Variants in PROK1 observed in about 807,000 individuals in gnomAD.
PROK1 encodes prokineticin-1.
PROK1 carries 10 observed loss-of-function variants against 8.8 expected under a neutral mutation model. That is an observed-to-expected ratio of 1.13 (90% confidence interval 0.70 to 1.92). The LOEUF (loss-of-function observed/expected upper bound fraction) is 1.92. Among genes scored for constraint, PROK1 ranks in the 30% most tolerant of loss-of-function variants. PROK1 has a pLI of 0.00. For synonymous variants in PROK1, 57 were observed against 56.0 expected, an observed-to-expected ratio of 1.02 and a Z score of -0.08; for missense variants, 140 against 139.7, an observed-to-expected ratio of 1.00 and a Z score of -0.01.
intron 1 of PROK1, 119 bp from the exon 2 acceptor site, chr1:110,453,842 G>T: frequency 1.5e-6 from 2 of 1,365,512 alleles, no homozygotes; most frequent in South Asian, 1.2e-5. Context: ...CTAAGGCCGG[G>T]GGTGATACTC....
At chr1:110,454,605 C>T (rs777738243) in intron 2 of PROK1, among the ~76,000 whole-genome samples, 9 of 152,188 alleles carry the variant, frequency 5.9e-5, no homozygotes, top group Admixed American at 1.3e-4. Context: ...TTGGGCACTG[C>T]CTCCTTGTTT....
At chr1:110,455,373 C>A (rs139576490) in intron 2 of PROK1, among the ~76,000 whole-genome samples, 1 of 152,202 alleles carries the variant, frequency 6.6e-6, no homozygotes, top group Non-Finnish European at 1.5e-5. Context: ...TCTCTAGGCA[C>A]GGAGCGTCCT....
chr1:110,456,255 GCAC>G lies in PROK1; in HGVS notation c.226_228del (p.His76del). The G allele has an allele frequency of 6.2e-7, 1 of 1,613,702 alleles. No homozygotes were observed. The highest frequency in any genetic ancestry group is 8.5e-7 in the Non-Finnish European group (1 of 1,180,032). On this transcript the variant is annotated inframe_deletion, in exon 3 of 3. Coordinates refer to ENST00000271331, the MANE Select transcript of PROK1 (RefSeq NM_032414.3). ...AGGTCCCCTTCTTCAGGAAACGCAAGCACCACACCTGTCCTTGCTTGCCCAACC... is the reference window on the plus strand; with the variant it reads ...AGGTCCCCTTCTTCAGGAAACGCAAGCACACCTGTCCTTGCTTGCCCAACC...
chr1:110,454,144 G>A (rs951274783), intron 2 of PROK1, 58 bp downstream of exon 2: 3 of 1,590,162 alleles, frequency 1.9e-6, no homozygotes, highest in African/African-American at 2.7e-5. Context: ...GGGGAGCAGA[G>A]GGTGATGTCC....
In PROK1 at chr1:110,451,347, G is replaced by T; in HGVS notation, c.72+59G>T. ...TTGGGAAGATGTCAGGGTCTGCACG[G>T]GTTGTGAGCCCAGGAACCATGCAGG... On this transcript the variant is annotated intron_variant, in intron 1 of 2. Coordinates refer to ENST00000271331, the MANE Select transcript of PROK1 (RefSeq NM_032414.3). The T allele has an allele frequency of 3.4e-6, 5 of 1,478,444 alleles. No individual in the cohort carries two copies. The South Asian group carries it at 5.7e-5, about 17-fold the overall frequency. The allele number at this position is 1,478,444 out of a possible 1,614,324, so 91.6% of individuals were successfully genotyped here.
chr1:110,455,687 G>A (rs1664161440), intron 2 of PROK1, among the ~76,000 whole-genome samples: 1 of 152,260 alleles, frequency 6.6e-6, no homozygotes, highest in Non-Finnish European at 1.5e-5. Context: ...GAGGCACAGA[G>A]AGGCCAAATG....
chr1:110,451,896 A>G (rs884735), intron 1 of PROK1, among the ~76,000 whole-genome samples: 1 of 151,066 alleles, frequency 6.6e-6, no homozygotes, highest in Non-Finnish European at 1.5e-5. Context: ...AAGCATCCAG[A>G]TAACAAGTAG....
chr1:110,455,916 A>G (rs542922019), intron 2 of PROK1, among the ~76,000 whole-genome samples: 1 of 152,310 alleles, frequency 6.6e-6, no homozygotes, highest in East Asian at 1.9e-4. Flanking sequence ...AGCAACAAAC[A>G]TTCAATCAAT....
At position 110,456,226 on chromosome 1, in the gene PROK1, C is replaced by T; in HGVS notation, c.199-6C>T. ...TGGTGAAGGTGTTGATTTCTTCTCT[C>T]CTTAGGTCCCCTTCTTCAGGAAACG... On this transcript the variant is annotated splice_region_variant and splice_polypyrimidine_tract_variant and intron_variant, in intron 2 of 2. Coordinates refer to ENST00000271331, the MANE Select transcript of PROK1 (RefSeq NM_032414.3). 6.2e-7 allele frequency: 1 copy of T among 1,611,610 alleles called. No homozygotes were observed. Among genetic ancestry groups the T allele is most frequent in the Non-Finnish European group, 8.5e-7 (1 of 1,179,988 alleles).
chr1:110,452,289 T>C (rs1664099129), intron 1 of PROK1, among the ~76,000 whole-genome samples: 1 of 152,354 alleles, frequency 6.6e-6, no homozygotes, highest in East Asian at 1.9e-4. Flanking sequence ...GGAAAAACAC[T>C]GAGTTCAAAA....
chr1:110,451,822 C>T (rs1192666380), intron 1 of PROK1, among the ~76,000 whole-genome samples: 1 of 152,150 alleles, frequency 6.6e-6, no homozygotes, highest in Admixed American at 6.5e-5. Flanking sequence ...CACTCTGTGC[C>T]TGCCTAGTTA....
At chr1:110,456,182 A>T (rs1472573778) in intron 2 of PROK1, 50 bp from the exon 3 acceptor site, 1 of 1,602,350 alleles carries the variant, frequency 6.2e-7, no homozygotes, top group Admixed American at 1.7e-5. Flanking sequence ...TGCTGCCAGG[A>T]GGCCCACCTA....
intron 2 of PROK1, 58 bp downstream of exon 2, chr1:110,454,144 G>T: frequency 6.3e-7 from 1 of 1,590,280 alleles, no homozygotes; most frequent in South Asian, 1.1e-5. Flanking sequence ...GGGGAGCAGA[G>T]GGTGATGTCC....
intron 1 of PROK1, among the ~76,000 whole-genome samples, chr1:110,452,192 A>G (rs1487424033): frequency 6.6e-6 from 1 of 152,226 alleles, no homozygotes; most frequent in East Asian, 1.9e-4. Flanking sequence ...TGGATAGTGG[A>G]AATGTAGAGA....
chr1:110,453,003 T>C (rs1276047229), intron 1 of PROK1, among the ~76,000 whole-genome samples: 12 of 152,124 alleles, frequency 7.9e-5, no homozygotes, highest in Non-Finnish European at 1.2e-4. Flanking sequence ...CTCCTCTGCA[T>C]GATCTGTGGA....
In PROK1 at chr1:110,451,226, G is replaced by T; in HGVS notation, c.10G>T (p.Ala4Ser). Residue 4 changes from alanine (A) to serine (S), a missense_variant, in exon 1 of 3, where the codon GCC (alanine) becomes TCC (serine). Coordinates refer to ENST00000271331, the MANE Select transcript of PROK1 (RefSeq NM_032414.3). MRG[A>S]TRVSIMLLLV... ...TTCACCCCAAGTGACCATGAGAGGT[G>T]CCACGCGAGTCTCAATCATGCTCCT... 6.2e-7 allele frequency: 1 copy of T among 1,614,158 alleles called. No homozygotes were observed.
chr1:110,453,962 C>G lies in PROK1; in HGVS notation c.74C>G (p.Ala25Gly). ...TTCCCTTCTCTCTCCCTCCTACAGGCCTGTGAGCGGGATGTCCAGTGTGGG... is the reference window on the plus strand; with the variant it reads ...TTCCCTTCTCTCTCCCTCCTACAGGGCTGTGAGCGGGATGTCCAGTGTGGG... ...TVSDCAVITGACERDVQCGAG... is the reference protein window; with the variant it reads ...TVSDCAVITGGCERDVQCGAG... Residue 25 changes from alanine to glycine, a missense_variant and splice_region_variant, in exon 2 of 3, where the codon GCC becomes GGC. Coordinates refer to ENST00000271331, the MANE Select transcript of PROK1 (RefSeq NM_032414.3). 2 of 1,614,234 alleles carry G rather than the reference C, an allele frequency of 1.2e-6. No individual in the cohort carries two copies. Among genetic ancestry groups the G allele is most frequent in the Non-Finnish European group, 1.7e-6 (2 of 1,180,036 alleles).
In PROK1 at chr1:110,456,840, C is replaced by A; in HGVS notation, c.*489C>A. On this transcript the variant is annotated 3_prime_UTR_variant, in exon 3 of 3. Coordinates refer to ENST00000271331, the MANE Select transcript of PROK1 (RefSeq NM_032414.3). ...AATTTGTGGGTAGTTCATCTTCCCT[C>A]GATTGGTTAACTCCTTAGTTTCAGA... The A allele has an allele frequency of 4.6e-6, 1 of 218,606 alleles. No homozygotes were observed. The highest frequency in any genetic ancestry group is 9.3e-6 in the Non-Finnish European group (1 of 107,760). The allele number at this position is 218,606 out of a possible 1,614,324, so 13.5% of individuals were successfully genotyped here.
Position 110,456,420 on chromosome 1 carries a change from T to C in PROK1, c.*69T>C, listed in dbSNP as rs1417059259. The C allele has an allele frequency of 1.9e-6, 3 of 1,597,446 alleles. No homozygotes were observed. Among genetic ancestry groups the C allele is most frequent in the Admixed American group, 1.7e-5 (1 of 59,904 alleles). On this transcript the variant is annotated 3_prime_UTR_variant, in exon 3 of 3. Transcript: ENST00000271331. ...ACAGCCTGGATTTTTATTTCTGCCA[T>C]GAAACCCAGCTCCCATGACTCTCCC...
Sources: allele counts gnomAD v4.1 joint callset (sites outside exome capture counted in the v4.1 genomes callset), GRCh38; gene constraint gnomAD v4.1.1; transcripts MANE v1.5; gene names NCBI Gene and HGNC (gene_info 2026-07-23, HGNC 2026-07-21).